The following RNF130 variants were observed in gnomAD, a reference collection of about 807,000 sequenced individuals.
RNF130 encodes ring finger protein 130, also known as E3 ubiquitin-protein ligase RNF130.
RNF130 carries 21 observed loss-of-function variants against 44.6 expected under a neutral mutation model. The ratio of observed to expected loss-of-function variants is 0.47; its 90% CI spans 0.33 to 0.68. The LOEUF (loss-of-function observed/expected upper bound fraction) is 0.68. Among genes scored for constraint, RNF130 ranks in the 30% least tolerant of loss-of-function variants. The pLI is 0.02. For synonymous variants in RNF130, 214 were observed against 210.4 expected, an observed-to-expected ratio of 1.02 and a Z score of -0.15; for missense variants, 479 against 560.6, an observed-to-expected ratio of 0.85 and a Z score of 1.47.
At chr5:180,040,971 C>T (rs77499741) in intron 1 of RNF130, among the ~76,000 whole-genome samples, 3,146 of 152,296 alleles carry the variant, frequency 0.021, 86 homozygotes, top group African/African-American at 0.061. Context: ...CCAACACAGA[C>T]GAGAAACCCA....
chr5:180,028,848 A>C (rs1301886986), intron 2 of RNF130, among the ~76,000 whole-genome samples: 2 of 152,248 alleles, frequency 1.3e-5, no homozygotes, highest in African/African-American at 4.8e-5. Context: ...AATGAAGAAA[A>C]AGTATACTTA....
At chr5:180,037,097 A>G (rs1175425201) in intron 2 of RNF130, among the ~76,000 whole-genome samples, 1 of 152,250 alleles carries the variant, frequency 6.6e-6, no homozygotes, top group Non-Finnish European at 1.5e-5. Flanking sequence ...ATGTAAATAC[A>G]TGTAGCTTTA....
intron 8 of RNF130, among the ~76,000 whole-genome samples, chr5:179,957,982 A>G (rs113906174): frequency 0.02 from 2,973 of 149,830 alleles, 107 homozygotes; most frequent in African/African-American, 0.07. Flanking sequence ...GGTTCACGCC[A>G]TTCTCCTGCC....
At chr5:179,983,047 A>G (rs908982042) in intron 3 of RNF130, among the ~76,000 whole-genome samples, 8 of 152,148 alleles carry the variant, frequency 5.3e-5, no homozygotes, top group African/African-American at 1.9e-4. Context: ...TGTTTTGCCT[A>G]TATTTCTGAG....
chr5:179,978,251 C>A lies in RNF130; in HGVS notation c.800G>T (p.Cys267Phe), dbSNP rs1394753030. 1 of 1,613,930 alleles carries A rather than the reference C, an allele frequency of 6.2e-7. No individual in the cohort carries two copies. Among genetic ancestry groups the A allele is most frequent in the Non-Finnish European group, 8.5e-7 (1 of 1,179,894 alleles). Residue 267 changes from cysteine to phenylalanine, a missense_variant, in exon 5 of 9, where the codon TGC becomes TTC. Transcript: ENST00000521389. ...ATCATTCTGCTTATAGCTCTCTATG[C>A]AGACTGCACAATGATCAAAGTCTGG... ...TDPDFDHCAV[C>F]IESYKQNDVV...
intron 1 of RNF130, among the ~76,000 whole-genome samples, chr5:180,045,490 CAG>C (rs1423551710): frequency 2.6e-5 from 4 of 152,214 alleles, no homozygotes; most frequent in Non-Finnish European, 1.5e-5. Context: ...TTATCTCAAA[CAG>C]GGAAAGAACA....
intron 3 of RNF130, among the ~76,000 whole-genome samples, chr5:180,003,980 G>A (rs947829391): frequency 3.3e-5 from 5 of 152,148 alleles, no homozygotes; most frequent in African/African-American, 7.2e-5. Flanking sequence ...GTACTGACTC[G>A]TGTTATCGTC....
intron 7 of RNF130, among the ~76,000 whole-genome samples, chr5:179,966,407 T>C (rs1011484786): frequency 1.3e-5 from 2 of 152,208 alleles, no homozygotes; most frequent in Non-Finnish European, 2.9e-5. Context: ...TCCCACTAAG[T>C]AGCCTGTAGC....
chr5:179,970,738 T>G (rs1762562390), intron 5 of RNF130, among the ~76,000 whole-genome samples: 1 of 152,198 alleles, frequency 6.6e-6, no homozygotes, highest in Admixed American at 6.5e-5. Flanking sequence ...GATTTGGTTG[T>G]TTGGGCCTTT....
chr5:180,022,197 G>A (rs1763890286), intron 2 of RNF130, among the ~76,000 whole-genome samples: 1 of 152,176 alleles, frequency 6.6e-6, no homozygotes, highest in Admixed American at 6.5e-5. Flanking sequence ...CTCCAGGCAT[G>A]TGCACTGTGA....
At chr5:179,980,262 T>C in intron 3 of RNF130, 62 bp from the exon 4 acceptor site, 1 of 1,450,798 alleles carries the variant, frequency 6.9e-7, no homozygotes, top group Admixed American at 1.7e-5. Context: ...CGTACTTTAT[T>C]TTTAAGCAAT....
chr5:180,031,656 GAAC>G (rs1314895106), intron 2 of RNF130, among the ~76,000 whole-genome samples: 4 of 152,194 alleles, frequency 2.6e-5, no homozygotes, highest in Admixed American at 2.0e-4. Context: ...ACCAGTTGAT[GAAC>G]AACTGCGTTG....
chr5:179,948,242 A>T (rs1266872494), intron 7 of RNF130, among the ~76,000 whole-genome samples: 6 of 152,228 alleles, frequency 3.9e-5, no homozygotes, highest in Admixed American at 6.5e-5. Flanking sequence ...ACATGTGAAC[A>T]ACTCAGCATG....
intron 7 of RNF130, among the ~76,000 whole-genome samples, chr5:179,939,248 T>C (rs1337110482): frequency 1.4e-5 from 2 of 147,050 alleles, no homozygotes; most frequent in South Asian, 2.3e-4. Context: ...TAAAAGTGCA[T>C]ACAGAGATTT....
intron 1 of RNF130, among the ~76,000 whole-genome samples, chr5:180,059,692 A>G (rs1764925687): frequency 6.6e-6 from 1 of 152,258 alleles, no homozygotes; most frequent in Non-Finnish European, 1.5e-5. Flanking sequence ...TGAGCCGTGA[A>G]AACAACTGAC....
intron 1 of RNF130, among the ~76,000 whole-genome samples, chr5:180,055,212 A>G (rs1442675764): frequency 1.5e-5 from 2 of 135,074 alleles, no homozygotes; most frequent in East Asian, 4.9e-4. Context: ...TCGAGCCACT[A>G]TACTCCAGCC....
intron 3 of RNF130, among the ~76,000 whole-genome samples, chr5:180,000,591 CTTTT>C (rs149740298): frequency 6.6e-6 from 1 of 151,196 alleles, no homozygotes; most frequent in East Asian, 1.9e-4. Flanking sequence ...ATTCTTATTT[CTTTT>C]TTTTTGTCTC....
At position 179,992,587 on chromosome 5, in the gene RNF130, G is replaced by T. The variant is rs537499137; in HGVS notation, c.694-12387C>A. Among the ~76,000 whole-genome samples the T allele has an allele frequency of 2.6e-4, 39 of 152,166 alleles. 1 individual carries two copies. In the South Asian group the frequency reaches 4.6e-3, roughly 18 times the overall value. ...GGATCCATTGTTGGAGAATTACTGTGTTTTTTTGGGGGGGTGTCATATTAT... is the reference window on the plus strand; with the variant it reads ...GGATCCATTGTTGGAGAATTACTGTTTTTTTTTGGGGGGGTGTCATATTAT... On this transcript the variant is annotated intron_variant, in intron 3 of 8. Transcript: ENST00000521389.
intron 2 of RNF130, among the ~76,000 whole-genome samples, chr5:180,016,527 C>T (rs1298880299): frequency 6.6e-6 from 1 of 152,210 alleles, no homozygotes. Flanking sequence ...CGGCCACGCT[C>T]CCACGCACTT....
Sources: gnomAD v4.1 joint callset for allele counts (sites outside exome capture counted in the v4.1 genomes callset) on GRCh38, gnomAD v4.1.1 for gene constraint, MANE v1.5 for transcripts, NCBI Gene and HGNC (gene_info 2026-07-23, HGNC 2026-07-21) for gene names.